SHISA6: variants seen among roughly 807,000 people sequenced by gnomAD.
SHISA6 encodes protein shisa-6.
SHISA6 carries 22 observed loss-of-function variants against 47.9 expected under a neutral mutation model. The ratio of observed to expected loss-of-function variants is 0.46; its 90% CI spans 0.33 to 0.66. The LOEUF is 0.66. Ranked by LOEUF, SHISA6 falls within the 30% of genes least tolerant of loss-of-function variation. The pLI, the probability that SHISA6 is intolerant of heterozygous loss-of-function variation, is 0.02. For missense variants in SHISA6, 680 were observed against 764.6 expected, an observed-to-expected ratio of 0.89 and a Z score of 1.30; for synonymous variants, 388 against 337.8, an observed-to-expected ratio of 1.15 and a Z score of -1.63.
intron 3 of SHISA6, among the ~76,000 whole-genome samples, chr17:11,441,574 A>G (rs1915093392): frequency 6.6e-6 from 1 of 152,222 alleles, no homozygotes. Flanking sequence ...CAGGAAAAGA[A>G]AGACTAAAAT....
At chr17:11,508,317 G>A (rs1185724799) in intron 3 of SHISA6, among the ~76,000 whole-genome samples, 1 of 152,180 alleles carries the variant, frequency 6.6e-6, no homozygotes, top group East Asian at 1.9e-4. Flanking sequence ...CTGGTGTCTG[G>A]TGAGGGCTAC....
chr17:11,535,692 G>T (rs1454581001), intron 3 of SHISA6, among the ~76,000 whole-genome samples: 1 of 152,174 alleles, frequency 6.6e-6, no homozygotes, highest in Admixed American at 6.5e-5. Flanking sequence ...CAAGAGCATC[G>T]TGTTTGGAGT....
At chr17:11,430,943 C>T (rs1307054861) in intron 3 of SHISA6, among the ~76,000 whole-genome samples, 1 of 152,228 alleles carries the variant, frequency 6.6e-6, no homozygotes, top group Non-Finnish European at 1.5e-5. Context: ...ATCAGAGCAG[C>T]TTGTCACGGA....
intron 2 of SHISA6, among the ~76,000 whole-genome samples, chr17:11,363,461 A>G (rs944039547): frequency 1.3e-4 from 20 of 152,148 alleles, no homozygotes; most frequent in African/African-American, 4.1e-4. Context: ...TTGTTTTCTC[A>G]GTTTTCTACT....
At chr17:11,274,925 G>A (rs1251982165) in intron 2 of SHISA6, among the ~76,000 whole-genome samples, 1 of 152,164 alleles carries the variant, frequency 6.6e-6, no homozygotes, top group Non-Finnish European at 1.5e-5. Flanking sequence ...GAGGAGAGTG[G>A]AGGGTACTCC....
At chr17:11,344,860 A>G (rs1004833564) in intron 2 of SHISA6, among the ~76,000 whole-genome samples, 6 of 152,220 alleles carry the variant, frequency 3.9e-5, no homozygotes, top group African/African-American at 1.2e-4. Context: ...CTGTAGTTCT[A>G]TAGAACGCTA....
chr17:11,501,280 T>G (rs1415659244), intron 3 of SHISA6, among the ~76,000 whole-genome samples: 1 of 152,072 alleles, frequency 6.6e-6, no homozygotes, highest in Non-Finnish European at 1.5e-5. Context: ...GCCCAGCTAA[T>G]TTTGTATTTT....
intron 2 of SHISA6, among the ~76,000 whole-genome samples, chr17:11,377,076 C>T (rs1397820684): frequency 2.0e-5 from 3 of 152,172 alleles, no homozygotes; most frequent in African/African-American, 7.2e-5. Flanking sequence ...GTGATCACTG[C>T]CTTGTGAGAA....
At chr17:11,355,425 GA>G (rs796655903) in intron 2 of SHISA6, among the ~76,000 whole-genome samples, 2 of 152,028 alleles carry the variant, frequency 1.3e-5, no homozygotes, top group Admixed American at 6.5e-5. Flanking sequence ...GTCCTGATGG[GA>G]AAAAAATACA....
chr17:11,288,484 A>G (rs1272341646), intron 2 of SHISA6: 2 of 152,068 alleles, frequency 1.3e-5, no homozygotes, highest in African/African-American at 2.4e-5. Flanking sequence ...ATATTAAAAG[A>G]TTAATTCTTG....
chr17:11,432,648 C>T (rs1461596663), intron 3 of SHISA6, among the ~76,000 whole-genome samples: 1 of 152,114 alleles, frequency 6.6e-6, no homozygotes, highest in Non-Finnish European at 1.5e-5. Context: ...TGTGTCAATC[C>T]ATCTACTGAT....
At chr17:11,306,382 G>A (rs1481755740) in intron 2 of SHISA6, among the ~76,000 whole-genome samples, 1 of 152,136 alleles carries the variant, frequency 6.6e-6, no homozygotes, top group Non-Finnish European at 1.5e-5. Flanking sequence ...AAGAGAAGGA[G>A]GGCCACAGAG....
intron 3 of SHISA6, among the ~76,000 whole-genome samples, chr17:11,387,008 G>A (rs79830427): frequency 0.035 from 5,345 of 152,238 alleles, 176 homozygotes; most frequent in Admixed American, 0.088. Context: ...CATTTTTCAC[G>A]ATAACCTGCA....
chr17:11,422,084 T>C (rs1487618055), intron 3 of SHISA6, among the ~76,000 whole-genome samples: 2 of 152,306 alleles, frequency 1.3e-5, no homozygotes, highest in African/African-American at 4.8e-5. Flanking sequence ...GTTTACCTGC[T>C]AGCCTCTCCG....
chr17:11,428,410 GC>G (rs1914659336), intron 3 of SHISA6, among the ~76,000 whole-genome samples: 1 of 152,188 alleles, frequency 6.6e-6, no homozygotes, highest in Admixed American at 6.5e-5. Flanking sequence ...TCTGAGCATG[GC>G]CACACCAGAT....
intron 3 of SHISA6, among the ~76,000 whole-genome samples, chr17:11,426,730 A>G (rs544802987): frequency 6.2e-4 from 94 of 152,336 alleles, no homozygotes; most frequent in African/African-American, 2.0e-3. Flanking sequence ...ATGAGCAACA[A>G]ATATTTGTTG....
chr17:11,524,287 G>A (rs1161686259), intron 3 of SHISA6, among the ~76,000 whole-genome samples: 2 of 151,898 alleles, frequency 1.3e-5, no homozygotes, highest in African/African-American at 4.8e-5. Flanking sequence ...CAGAAAACAG[G>A]TATTCTAGAA....
intron 2 of SHISA6, among the ~76,000 whole-genome samples, chr17:11,308,482 T>C (rs1214199586): frequency 1.3e-5 from 2 of 152,120 alleles, no homozygotes; most frequent in African/African-American, 2.4e-5. Context: ...CTTTCTCTTT[T>C]CCCCTCTACC....
intron 3 of SHISA6, among the ~76,000 whole-genome samples, chr17:11,528,797 C>T (rs1432488342): frequency 6.6e-6 from 1 of 152,182 alleles, no homozygotes; most frequent in African/African-American, 2.4e-5. Flanking sequence ...ACAGACATCA[C>T]CAGATCCAGC....
Sources: gnomAD v4.1 joint callset for allele counts (sites outside exome capture counted in the v4.1 genomes callset) on GRCh38, gnomAD v4.1.1 for gene constraint, MANE v1.5 for transcripts, NCBI Gene and HGNC (gene_info 2026-07-23, HGNC 2026-07-21) for gene names.